The following GRID2IP variants were observed in gnomAD, a reference collection of about 807,000 sequenced individuals.
GRID2IP encodes Grid2 interacting protein.
In GRID2IP, 78 loss-of-function variants were observed where a neutral mutation model predicts 114.3. That is an observed-to-expected ratio of 0.68 (90% CI 0.57 to 0.82). The LOEUF (loss-of-function observed/expected upper bound fraction) is 0.82. Ranked by LOEUF, GRID2IP falls within the 40% of genes least tolerant of loss-of-function variation. GRID2IP has a pLI of 0.00. For missense variants in GRID2IP, 1,727 were observed against 1,678.5 expected (o/e 1.03, Z -0.51); for synonymous variants, 809 against 724.0 (o/e 1.12, Z -1.89).
chr7:6,531,161 G>A (rs1394243967), intron 2 of GRID2IP: 1 of 489,574 alleles, frequency 2.0e-6, no homozygotes. Context: ...CCGAGCCCAG[G>A]AATGGAGCGA....
intron 2 of GRID2IP, among the ~76,000 whole-genome samples, chr7:6,530,428 T>C (rs1447487436): frequency 7.9e-5 from 12 of 152,096 alleles, no homozygotes; most frequent in Admixed American, 4.6e-4. Context: ...CACACCTGGC[T>C]GGCTTTTTAA....
intron 1 of GRID2IP, among the ~76,000 whole-genome samples, chr7:6,542,741 T>A (rs1779832458): frequency 6.6e-6 from 1 of 152,150 alleles, no homozygotes; most frequent in African/African-American, 2.4e-5. Context: ...GTGATGAAAT[T>A]GTTTGAAAAT....
intron 14 of GRID2IP, among the ~76,000 whole-genome samples, chr7:6,505,357 CTTT>C (rs11352946): frequency 2.0e-4 from 24 of 119,406 alleles, no homozygotes; most frequent in Admixed American, 3.6e-4. Context: ...TAAATGCCAG[CTTT>C]TTTTTTTTTT....
chr7:6,545,407 A>G (rs1779872471), intron 1 of GRID2IP, among the ~76,000 whole-genome samples: 1 of 152,056 alleles, frequency 6.6e-6, no homozygotes, highest in African/African-American at 2.4e-5. Context: ...GCAGTTCACT[A>G]TTGCACTTGA....
chr7:6,529,241 A>ATCT (rs1176392959), intron 2 of GRID2IP, among the ~76,000 whole-genome samples: 2 of 152,156 alleles, frequency 1.3e-5, no homozygotes, highest in African/African-American at 4.8e-5. Flanking sequence ...ACCTGAGGTC[A>ATCT]GGAGTTCGAG....
chr7:6,504,005 C>A (rs1029958901), intron 15 of GRID2IP, among the ~76,000 whole-genome samples: 3 of 147,826 alleles, frequency 2.0e-5, no homozygotes, highest in Admixed American at 1.3e-4. Flanking sequence ...GGCGGGGCTT[C>A]CAGGTTGGCC....
In GRID2IP at chr7:6,531,209, C is replaced by A; in HGVS notation, c.585-4440G>T. 5 of 446,016 alleles carry A rather than the reference C, an allele frequency of 1.1e-5. 1 individual carries two copies. The South Asian group carries it at 2.2e-4, about 20-fold the overall frequency. The allele number at this position is 446,016 out of a possible 1,614,324, so 27.6% of individuals were successfully genotyped here. A position where few individuals can be genotyped will look rare whatever the true frequency, so the allele number is the denominator to read the frequency against. ...TCCACGCACCTCTGCCCTGCGAGCGCGCGCGGCCCCTCCCGAGCCGTCCCG... is the reference window on the plus strand; with the variant it reads ...TCCACGCACCTCTGCCCTGCGAGCGAGCGCGGCCCCTCCCGAGCCGTCCCG... On this transcript the variant is annotated intron_variant, in intron 2 of 21. Transcript: ENST00000457091.
intron 1 of GRID2IP, among the ~76,000 whole-genome samples, chr7:6,549,802 T>A (rs1194313000): frequency 2.1e-4 from 31 of 148,522 alleles, no homozygotes; most frequent in Non-Finnish European, 3.4e-4. Context: ...TTTTTTTTTT[T>A]ATATTTTTGA....
intron 14 of GRID2IP, 108 bp downstream of exon 14, chr7:6,505,712 A>T (rs945577388): frequency 4.3e-6 from 3 of 701,262 alleles, no homozygotes; most frequent in African/African-American, 3.6e-5. Context: ...AGGCTTGAGG[A>T]CGCATCAGGT....
At chr7:6,498,468 C>G (rs1474692058) in intron 20 of GRID2IP, among the ~76,000 whole-genome samples, 3 of 152,090 alleles carry the variant, frequency 2.0e-5, no homozygotes, top group Non-Finnish European at 2.9e-5. Context: ...CCCCTGTTCT[C>G]TCTGCAGGGC....
In GRID2IP at chr7:6,551,260, A is replaced by G; in HGVS notation, c.177T>C (p.Gly59=). 1 of 1,535,482 alleles carries G rather than the reference A, an allele frequency of 6.5e-7. No individual in the cohort carries two copies. Among genetic ancestry groups the G allele is most frequent in the Non-Finnish European group, 8.7e-7 (1 of 1,145,512 alleles). The part of the protein sequence containing the change: ...ILEVEGLAVG[G]LSRERLVRLA... ...GGCGCACGAGGCGCTCGCGGCTCAG[A>G]CCGCCCACCGCCAGCCCCTCCACCT... Residue 59 remains glycine (G), a synonymous_variant, in exon 1 of 22, where the codon GGT becomes GGC. Coordinates refer to ENST00000457091, the MANE Select transcript of GRID2IP (RefSeq NM_001145118.2).
intron 2 of GRID2IP, chr7:6,531,299 C>T: frequency 2.5e-6 from 1 of 398,208 alleles, no homozygotes; most frequent in Non-Finnish European, 4.4e-6. Flanking sequence ...CGCCTCTGCC[C>T]TGCTGGGACC....
At chr7:6,547,944 T>C (rs1779911591) in intron 1 of GRID2IP, among the ~76,000 whole-genome samples, 2 of 152,302 alleles carry the variant, frequency 1.3e-5, no homozygotes, top group South Asian at 4.2e-4. Context: ...CCAAACCCCA[T>C]GGCCAAGTGC....
At chr7:6,503,455 G>C in intron 16 of GRID2IP, 36 bp downstream of exon 16, 16 of 1,482,746 alleles carry the variant, frequency 1.1e-5, no homozygotes, top group Non-Finnish European at 1.4e-5. Context: ...CTGTGGAGCC[G>C]GCCGAGGCCT....
rs530581115 is a variant in GRID2IP, at chr7:6,550,865, A to G, written c.429+143T>C. The stretch of plus-strand genomic sequence containing the variant: ...TGCAAAATTGTTTGCAAGGTTTTGA[A>G]GTTGAGCATTCCCATATTTCTGTTA... On this transcript the variant is annotated intron_variant, in intron 1 of 21. Coordinates refer to ENST00000457091, the MANE Select transcript of GRID2IP (RefSeq NM_001145118.2). 95 of 969,328 alleles carry G rather than the reference A, an allele frequency of 9.8e-5. No homozygotes were observed. In the African/African-American group the frequency reaches 1.4e-3, roughly 15 times the overall value. 60.0% of individuals were successfully genotyped at this position (969,328 alleles called of 1,614,324 possible). A position where few individuals can be genotyped will look rare whatever the true frequency, so the allele number is the denominator to read the frequency against.
rs572200460 is a variant in GRID2IP, at chr7:6,498,187, G to C, written c.3441C>G (p.Asp1147Glu). ...CCTCCATGGCCTCGCGCTGCAGCCC[G>C]TCGAGCGCCCGAAGTGCTGGCTGGG... Reference protein sequence around the residue: ...ETAQPALRALDGLQREAMEEL... With the variant: ...ETAQPALRALEGLQREAMEEL... Residue 1147 changes from aspartate (D) to glutamate (E), a missense_variant, in exon 21 of 22, where the codon GAC becomes GAG. Physicochemically the swap from Asp to Glu is conservative, Grantham distance 45. Transcript: ENST00000457091. 1 of 1,550,306 alleles carries C rather than the reference G, an allele frequency of 6.5e-7. No homozygotes were observed.
intron 7 of GRID2IP, among the ~76,000 whole-genome samples, chr7:6,517,220 AT>A (rs370575922): frequency 0.086 from 12,654 of 146,920 alleles, 708 homozygotes; most frequent in Non-Finnish European, 0.12. Flanking sequence ...ACGCCCGGCT[AT>A]TTTTTTTTTG....
At chr7:6,524,369 G>T (rs1779466466) in intron 4 of GRID2IP, among the ~76,000 whole-genome samples, 1 of 152,210 alleles carries the variant, frequency 6.6e-6, no homozygotes, top group African/African-American at 2.4e-5. Context: ...GCTGGGAGGG[G>T]ACGGATGCAG....
intron 1 of GRID2IP, 89 bp downstream of exon 1, chr7:6,550,919 T>C (rs1025466354): frequency 2.1e-4 from 246 of 1,186,168 alleles, no homozygotes; most frequent in Non-Finnish European, 2.4e-4. Context: ...TCCTTACCTC[T>C]GGCCCTGGGA....
Sources: gnomAD v4.1 joint callset for allele counts (sites outside exome capture counted in the v4.1 genomes callset) on GRCh38, gnomAD v4.1.1 for gene constraint, MANE v1.5 for transcripts, NCBI Gene and HGNC (gene_info 2026-07-23, HGNC 2026-07-21) for gene names.